IGF1R: variants seen among roughly 807,000 people sequenced by gnomAD.
IGF1R encodes the protein insulin-like growth factor 1 receptor.
In IGF1R, 44 loss-of-function variants were observed where a neutral mutation model predicts 144.6. The observed-to-expected ratio is 0.30, with a 90% CI of 0.24 to 0.39. The LOEUF (loss-of-function observed/expected upper bound fraction) is 0.39, where lower values mean the gene tolerates loss of function less well. Among genes scored for constraint, IGF1R ranks in the 10% least tolerant of loss-of-function variants. IGF1R has a pLI of 1.00. For missense variants in IGF1R, 1,355 were observed against 1,833.7 expected (o/e 0.74, Z 4.77); for synonymous variants, 795 against 722.8 (o/e 1.10, Z -1.60).
At position 98,963,709 on chromosome 15, in the gene IGF1R, A is replaced by ATGAT. The variant is rs1386558840; in HGVS notation, c.*6270_*6271insTTGA. 1 of 233,008 alleles carries ATGAT rather than the reference A, an allele frequency of 4.3e-6. No homozygotes were observed. Among genetic ancestry groups the ATGAT allele is most frequent in the East Asian group, 6.0e-5 (1 of 16,592 alleles). The allele number at this position is 233,008 out of a possible 1,614,324, so 14.4% of individuals were successfully genotyped here. Reference sequence around the variant, plus strand: ...GCCATTTGCTTACATGCCTCGTATCATGACTGATTACTGCTTTGTTAGAAC... The same window carrying ATGAT: ...GCCATTTGCTTACATGCCTCGTATCATGATTGACTGATTACTGCTTTGTTAGAAC... On this transcript the variant is annotated 3_prime_UTR_variant, in exon 21 of 21. Transcript: ENST00000650285.
chr15:98,655,945 G>T lies in IGF1R; in HGVS notation c.94+6270G>T, dbSNP rs149729083. On this transcript the variant is annotated intron_variant, in intron 1 of 20. Coordinates refer to ENST00000650285, the MANE Select transcript of IGF1R (RefSeq NM_000875.5). ...TGGACTCAAGCGATCCACTCACCTC[G>T]GCCTCCCGGAGGGCTGGGATCACAG... is the stretch of plus-strand genomic sequence containing the variant. 1.3e-3 allele frequency among the ~76,000 whole-genome samples: 199 copies of T among 152,266 alleles called. 2 individuals carry two copies. Among genetic ancestry groups the T allele is most frequent in the Middle Eastern group, 6.8e-3 (2 of 292 alleles).
intron 2 of IGF1R, among the ~76,000 whole-genome samples, chr15:98,873,246 T>C (rs1489226873): frequency 6.6e-6 from 1 of 152,246 alleles, no homozygotes; most frequent in Non-Finnish European, 1.5e-5. Flanking sequence ...TTTTCCACTT[T>C]TTCCTATTCT....
intron 2 of IGF1R, among the ~76,000 whole-genome samples, chr15:98,871,632 G>T (rs1385308415): frequency 6.6e-6 from 1 of 152,188 alleles, no homozygotes. Context: ...AAATCATGGC[G>T]GAAAGTGAAA....
At chr15:98,930,095 C>A in intron 14 of IGF1R, 140 bp from the exon 15 acceptor site, 1 of 717,042 alleles carries the variant, frequency 1.4e-6, no homozygotes, top group South Asian at 1.5e-5. Flanking sequence ...ACAAGAGCTG[C>A]TGTAGACAGT....
chr15:98,677,395 G>A (rs77642520), intron 1 of IGF1R, among the ~76,000 whole-genome samples: 1,918 of 152,190 alleles, frequency 0.013, 46 homozygotes, highest in African/African-American at 0.043. Flanking sequence ...AATCATTGAT[G>A]ACAAATAAGG....
At chr15:98,807,529 G>C (rs2056496173) in intron 2 of IGF1R, among the ~76,000 whole-genome samples, 1 of 152,244 alleles carries the variant, frequency 6.6e-6, no homozygotes, top group African/African-American at 2.4e-5. Context: ...CATTCTCTGA[G>C]ATAGGATAAG....
At chr15:98,925,215 T>C (rs369967670) in intron 13 of IGF1R, among the ~76,000 whole-genome samples, 1 of 152,018 alleles carries the variant, frequency 6.6e-6, no homozygotes, top group Non-Finnish European at 1.5e-5. Flanking sequence ...CCCACATGCA[T>C]TGGAAATGTA....
chr15:98,685,521 G>A (rs902077632), intron 1 of IGF1R, among the ~76,000 whole-genome samples: 2 of 152,156 alleles, frequency 1.3e-5, no homozygotes, highest in African/African-American at 4.8e-5. Flanking sequence ...TCTACTCTCT[G>A]TTAGCCAGCT....
intron 2 of IGF1R, among the ~76,000 whole-genome samples, chr15:98,833,967 T>C (rs1223462886): frequency 6.6e-6 from 1 of 152,204 alleles, no homozygotes; most frequent in African/African-American, 2.4e-5. Context: ...TGTTGAGTAA[T>C]AGTATGGACC....
At position 98,704,058 on chromosome 15, in the gene IGF1R, C is replaced by CT. The variant is rs1204464587; in HGVS notation, c.95-3504_95-3503insT. 5.6e-4 allele frequency among the ~76,000 whole-genome samples: 13 copies of CT among 23,102 alleles called. No homozygotes were observed. The highest frequency in any genetic ancestry group is 5.5e-3 in the South Asian group (2 of 366). 15.2% of individuals were successfully genotyped at this position (23,102 alleles called of 152,430 possible). A position where few individuals can be genotyped will look rare whatever the true frequency, so the allele number is the denominator to read the frequency against. ...CACGACACACAGTTAATTTAGTGTC[C>CT]CCAGGGGAAAAAAGACCCTCCCGGC... On this transcript the variant is annotated intron_variant, in intron 1 of 20. Transcript: ENST00000650285. The surrounding 1 kb of genome is among the most constrained non-coding windows in gnomAD (Gnocchi z 4.9).
At chr15:98,762,598 C>T (rs993813901) in intron 2 of IGF1R, among the ~76,000 whole-genome samples, 23 of 148,398 alleles carry the variant, frequency 1.5e-4, no homozygotes, top group African/African-American at 5.2e-4. Context: ...CGTGGTGGCA[C>T]GTGCCTGTAA....
At chr15:98,857,086 T>G (rs963021623) in intron 2 of IGF1R, among the ~76,000 whole-genome samples, 46 of 152,122 alleles carry the variant, frequency 3.0e-4, no homozygotes, top group African/African-American at 1.0e-3. Context: ...TAGGAGAGAA[T>G]GTATACTGGG....
At chr15:98,813,056 G>T (rs1288722707) in intron 2 of IGF1R, among the ~76,000 whole-genome samples, 1 of 152,098 alleles carries the variant, frequency 6.6e-6, no homozygotes, top group Non-Finnish European at 1.5e-5. Context: ...GCTGGGGCGA[G>T]GCTTACTTCC....
At chr15:98,726,505 C>T (rs970415176) in intron 2 of IGF1R, among the ~76,000 whole-genome samples, 5 of 152,066 alleles carry the variant, frequency 3.3e-5, no homozygotes, top group East Asian at 1.9e-4. Context: ...ATTAGCATGG[C>T]GCCCTCCCTC....
chr15:98,927,078 C>T (rs1020202883), intron 13 of IGF1R, among the ~76,000 whole-genome samples: 1 of 152,190 alleles, frequency 6.6e-6, no homozygotes. Flanking sequence ...GGTGACATGA[C>T]ATGTTCCTGT....
chr15:98,690,498 T>C (rs2141230663), intron 1 of IGF1R, among the ~76,000 whole-genome samples: 1 of 152,394 alleles, frequency 6.6e-6, no homozygotes, highest in African/African-American at 2.4e-5. Flanking sequence ...GCAAAAATGC[T>C]ATTCTTAGCC....
At chr15:98,815,239 G>C (rs937977341) in intron 2 of IGF1R, among the ~76,000 whole-genome samples, 25 of 152,258 alleles carry the variant, frequency 1.6e-4, no homozygotes, top group African/African-American at 5.8e-4. Context: ...TCTGGTGAAA[G>C]AACTTTCTGG....
intron 11 of IGF1R, among the ~76,000 whole-genome samples, chr15:98,922,651 A>G (rs1596454574): frequency 6.6e-6 from 1 of 152,222 alleles, no homozygotes. Flanking sequence ...TGGTCTCTCC[A>G]TAGAACGTGC....
rs942394217 is a variant in IGF1R, at chr15:98,835,118, C to T, written c.641-56207C>T. Among the ~76,000 whole-genome samples, 11 of 146,524 alleles carry T rather than the reference C, an allele frequency of 7.5e-5. No individual in the cohort carries two copies. The East Asian group carries it at 1.8e-3, about 24-fold the overall frequency. On this transcript the variant is annotated intron_variant, in intron 2 of 20. Transcript: ENST00000650285. ...ACACACACACACACACACCCCTACA[C>T]CCACACACACCCACCCCTACACCCA...
Sources: allele counts gnomAD v4.1 joint callset (sites outside exome capture counted in the v4.1 genomes callset), GRCh38; gene constraint gnomAD v4.1.1; non-coding constraint Gnocchi (gnomAD v3.1); transcripts MANE v1.5; gene names NCBI Gene and HGNC (gene_info 2026-07-23, HGNC 2026-07-21).